CEP170B: variants seen among roughly 807,000 people sequenced by gnomAD.
CEP170B encodes the protein centrosomal protein 170B.
A neutral mutation model predicts 120.6 loss-of-function variants in CEP170B; 55 were observed. That is an observed-to-expected ratio of 0.46 (90% CI 0.37 to 0.57). CEP170B has a LOEUF of 0.57. Among genes scored for constraint, CEP170B ranks in the 20% least tolerant of loss-of-function variants. CEP170B has a pLI of 0.00. For synonymous variants in CEP170B, 1,033 were observed against 954.5 expected, an observed-to-expected ratio of 1.08 and a Z score of -1.52; for missense variants, 2,212 against 2,253.3, an observed-to-expected ratio of 0.98 and a Z score of 0.37.
intron 3 of CEP170B, among the ~76,000 whole-genome samples, chr14:104,876,984 T>G (rs1157090633): frequency 6.6e-6 from 1 of 152,194 alleles, no homozygotes; most frequent in African/African-American, 2.4e-5. Flanking sequence ...GGGGCGTGTG[T>G]CTGTCCCTGA....
rs753905876 is a variant in CEP170B, at chr14:104,877,903, C to T, written c.214C>T (p.Arg72Cys). The T allele has an allele frequency of 5.4e-6, 8 of 1,483,142 alleles. No individual in the cohort carries two copies. Among genetic ancestry groups the T allele is most frequent in the Non-Finnish European group, 7.3e-6 (8 of 1,103,312 alleles). The allele number at this position is 1,483,142 out of a possible 1,614,324, so 91.9% of individuals were successfully genotyped here. The change falls in exon 4 of 19, where the codon CGC (arginine) becomes TGC (cysteine). Residue 72 changes from arginine (R) to cysteine (C), a missense_variant. By Grantham distance (180) the Arg-to-Cys change is radical. Transcript: ENST00000414716. ...SLNGTFVNDMRIPDQKYVTLK... is the reference protein window; with the variant it reads ...SLNGTFVNDMCIPDQKYVTLK... Reference sequence around the variant, plus strand: ...CCTGCAGACGTTTGTGAATGACATGCGCATCCCGGACCAGAAGTACGTCAC... The same window carrying T: ...CCTGCAGACGTTTGTGAATGACATGTGCATCCCGGACCAGAAGTACGTCAC...
intron 6 of CEP170B, among the ~76,000 whole-genome samples, chr14:104,881,997 C>T (rs61323993): frequency 0.073 from 11,042 of 152,114 alleles, 610 homozygotes; most frequent in African/African-American, 0.16. Context: ...GCCCCCTGGG[C>T]TTCCGCAAGG....
In CEP170B at chr14:104,876,301, G is replaced by C; in HGVS notation, c.151G>C (p.Asp51His). The change falls in exon 3 of 19, where the codon GAC becomes CAC. Residue 51 changes from aspartate (D) to histidine (H), a missense_variant. Transcript: ENST00000414716. ...KQHAVINYDQ[D>H]RDEHWVKDLG... is the part of the protein sequence containing the mutation. ...GCATGCCGTCATCAACTACGACCAGGACAGGGACGAGCACTGGGTGAAGGA... is the reference window on the plus strand; with the variant it reads ...GCATGCCGTCATCAACTACGACCAGCACAGGGACGAGCACTGGGTGAAGGA... 1.3e-6 allele frequency: 2 copies of C among 1,550,912 alleles called. No individual in the cohort carries two copies. Among genetic ancestry groups the C allele is most frequent in the Non-Finnish European group, 1.7e-6 (2 of 1,146,830 alleles).
rs3742938 is a variant in CEP170B at position 104,892,968 on chromosome 14, G to A, written c.3879-8G>A. On this transcript the variant is annotated splice_polypyrimidine_tract_variant and splice_region_variant and intron_variant, in intron 13 of 18. Coordinates refer to ENST00000414716, the MANE Select transcript of CEP170B (RefSeq NM_001112726.3). ...TGCAGAACCTGCCGTCTTTCCTGCC[G>A]GCTGCAGGCTGAGCCAGACGCTGGT... 53,943 of 1,557,442 alleles carry A rather than the reference G, an allele frequency of 0.035. 1,064 individuals are homozygous for A. The highest frequency in any genetic ancestry group is 0.053 in the Middle Eastern group (310 of 5,834).
chr14:104,883,529 C>T lies in CEP170B; in HGVS notation c.1051+21C>T, dbSNP rs371569888. ...GAAGGGTGAGTGCCCAGCTGGCGGC[C>T]GTGCCAGTCCCGGGACAGGCAGGGG... On this transcript the variant is annotated intron_variant, in intron 8 of 18. Transcript: ENST00000414716. 1.7e-3 allele frequency: 2,609 copies of T among 1,516,992 alleles called. 12 individuals carry two copies. Among genetic ancestry groups the T allele is most frequent in the South Asian group, 0.012 (982 of 79,292 alleles). The allele number at this position is 1,516,992 out of a possible 1,614,324, so 94.0% of individuals were successfully genotyped here. A position where few individuals can be genotyped will look rare whatever the true frequency, so the allele number is the denominator to read the frequency against.
At chr14:104,880,259 T>A in intron 5 of CEP170B, 28 bp from the exon 6 acceptor site, 1 of 1,567,732 alleles carries the variant, frequency 6.4e-7, no homozygotes, top group Non-Finnish European at 8.6e-7. Flanking sequence ...CTGGGCCCAG[T>A]ACCTCACCCC....
Position 104,883,385 on chromosome 14 carries a change from G to T in CEP170B, c.928G>T (p.Ala310Ser), listed in dbSNP as rs1595339306. Residue 310 changes from alanine to serine, a missense_variant, in exon 8 of 19, where the codon GCT becomes TCT. By Grantham distance (99) the Ala-to-Ser change is moderately conservative. Transcript: ENST00000414716. ...KEATPGEMVSAETKVADWLVQ... is the reference protein window; with the variant it reads ...KEATPGEMVSSETKVADWLVQ... ...GGCCACACCTGGCGAGATGGTGTCG[G>T]CTGAGACCAAGGTGGCCGACTGGCT... 1.9e-6 allele frequency: 3 copies of T among 1,602,932 alleles called. No homozygotes were observed. Among genetic ancestry groups the T allele is most frequent in the Non-Finnish European group, 2.6e-6 (3 of 1,176,034 alleles).
chr14:104,872,621 G>A (rs914468078), intron 2 of CEP170B, among the ~76,000 whole-genome samples: 7 of 152,160 alleles, frequency 4.6e-5, no homozygotes, highest in African/African-American at 1.4e-4. Context: ...GCGTGTGACA[G>A]CTGGGATTTG....
chr14:104,872,499 T>TGTGTGCCGTGTGTGTGC (rs1566852861), intron 2 of CEP170B, among the ~76,000 whole-genome samples: 3 of 123,750 alleles, frequency 2.4e-5, no homozygotes, highest in African/African-American at 1.2e-4. Flanking sequence ...CGTGTGTGTG[T>TGTGTGCCGTGTGTGTGC]GCGTGTGTAA....
Position 104,880,338 on chromosome 14 carries a change from A to G in CEP170B, c.385A>G (p.Lys129Glu). The G allele has an allele frequency of 1.2e-6, 2 of 1,611,702 alleles. No homozygotes were observed. Among genetic ancestry groups the G allele is most frequent in the Non-Finnish European group, 1.7e-6 (2 of 1,179,252 alleles). The change falls in exon 6 of 19, where the codon AAG (lysine) becomes GAG (glutamate). Residue 129 changes from lysine (K) to glutamate (E), a missense_variant. Lys to Glu is a moderately conservative substitution (Grantham distance 56, BLOSUM62 1). Around this residue, in one of 2 missense-constraint regions of CEP170B, gnomAD observed 2,166 missense variants for 2,166.7 expected, o/e 1.00. Coordinates refer to ENST00000414716, the MANE Select transcript of CEP170B (RefSeq NM_001112726.3). ...GGTGAGCGTGAAGGGTTTGGCGCCC[A>G]AGAGGAGCGAGGCACTGCCGGAACA... is the stretch of plus-strand genomic sequence containing the variant. ...LQVSVKGLAP[K>E]RSEALPEHTP... is the part of the protein sequence containing the mutation.
In CEP170B at chr14:104,894,755, A is replaced by G. The variant is rs763482898; in HGVS notation, c.4462A>G (p.Thr1488Ala). The change falls in exon 19 of 19, where the codon ACA becomes GCA. Residue 1488 changes from threonine to alanine, a missense_variant. Physicochemically the swap from Thr to Ala is moderately conservative, Grantham distance 58 (BLOSUM62 0). Transcript: ENST00000414716. ...VDPSGSLDLL[T>A]GNRSLASSAQ... ...CCCCAGTGGGAGCCTGGACCTGCTC[A>G]CAGGAAACAGGAGCTTGGCCAGCTC... 1 of 1,599,944 alleles carries G rather than the reference A, an allele frequency of 6.3e-7. No homozygotes were observed. Among genetic ancestry groups the G allele is most frequent in the East Asian group, 2.2e-5 (1 of 44,612 alleles).
At chr14:104,876,555 C>A (rs941811801) in intron 3 of CEP170B, among the ~76,000 whole-genome samples, 1 of 151,346 alleles carries the variant, frequency 6.6e-6, no homozygotes, top group Non-Finnish European at 1.5e-5. Context: ...CCAGCCCTGG[C>A]CCCTCCCTCT....
At chr14:104,888,002 G>A in intron 12 of CEP170B, 24 bp downstream of exon 12, 13 of 1,464,594 alleles carry the variant, frequency 8.9e-6, no homozygotes, top group Non-Finnish European at 9.9e-6. Context: ...CGGGTGGGAG[G>A]CCAGGGCCAA....
chr14:104,876,031 C>T (rs1033838539), intron 2 of CEP170B, among the ~76,000 whole-genome samples: 3 of 151,908 alleles, frequency 2.0e-5, no homozygotes, highest in South Asian at 4.2e-4. Flanking sequence ...CTGGGGAGGG[C>T]GGTCATGAGG....
Position 104,868,332 on chromosome 14 carries a change from A to T in CEP170B, c.-27-92A>T. ...TCTCCGGAAGCTGCCAGCTTCCCTT[A>T]GAGGGTCAGGATCTGGGCTGGGCCT... On this transcript the variant is annotated intron_variant, in intron 1 of 18. Transcript: ENST00000414716. The surrounding 1 kb of genome is among the most constrained non-coding windows in gnomAD (Gnocchi z 5.9). 1.2e-6 allele frequency: 1 copy of T among 867,220 alleles called. No individual in the cohort carries two copies. Among genetic ancestry groups the T allele is most frequent in the Non-Finnish European group, 1.7e-6 (1 of 573,732 alleles). 53.7% of individuals were successfully genotyped at this position (867,220 alleles called of 1,614,324 possible).
intron 6 of CEP170B, among the ~76,000 whole-genome samples, chr14:104,881,527 G>A (rs1407544222): frequency 2.0e-5 from 3 of 152,184 alleles, no homozygotes; most frequent in Admixed American, 6.5e-5. Context: ...GCTGGGGACT[G>A]GGAAGCTTTC....
At position 104,868,758 on chromosome 14, in the gene CEP170B, C is replaced by G. The variant is rs1362311692; in HGVS notation, c.105+203C>G. On this transcript the variant is annotated intron_variant, in intron 2 of 18. Transcript: ENST00000414716. This position sits in a 1 kb window ranked among gnomAD's most constrained non-coding sequence, Gnocchi z 5.9. ...GGGTGCGTGCAGGGGTGTGTGTGTG[C>G]TCACAGGCTCGGGTCCCTGCCCCGT... 6.6e-6 allele frequency among the ~76,000 whole-genome samples: 1 copy of G among 152,148 alleles called. No homozygotes were observed. Among genetic ancestry groups the G allele is most frequent in the African/African-American group, 2.4e-5 (1 of 41,440 alleles).
intron 1 of CEP170B, among the ~76,000 whole-genome samples, chr14:104,866,515 T>TG (rs1471251689): frequency 6.6e-6 from 1 of 152,212 alleles, no homozygotes; most frequent in East Asian, 1.9e-4. Context: ...CTCCAGTGCC[T>TG]GCCTGTCTGG....
intron 10 of CEP170B, 85 bp from the exon 11 acceptor site, chr14:104,885,955 C>T: frequency 8.0e-7 from 1 of 1,248,870 alleles, no homozygotes; most frequent in Non-Finnish European, 1.1e-6. Flanking sequence ...GTTGGCTGCT[C>T]TGGACGCCCC....
Sources: allele counts gnomAD v4.1 joint callset (sites outside exome capture counted in the v4.1 genomes callset), GRCh38; gene constraint gnomAD v4.1.1; regional missense constraint gnomAD v4.1.1; non-coding constraint Gnocchi (gnomAD v3.1); transcripts MANE v1.5; gene names NCBI Gene and HGNC (gene_info 2026-07-23, HGNC 2026-07-21).